Variants in COL4A2 observed in about 807,000 individuals in gnomAD.
COL4A2 encodes the protein collagen alpha-2(IV) chain.
In COL4A2, 99 loss-of-function variants were observed where a neutral mutation model predicts 200.2. That is an observed-to-expected ratio of 0.49 (90% CI 0.42 to 0.58). The LOEUF is 0.58. COL4A2 is among the 20% of genes least tolerant of loss of function. COL4A2 has a pLI of 0.00. For synonymous variants in COL4A2, 897 were observed against 900.6 expected (o/e 1.00, Z 0.07); for missense variants, 1,950 against 2,314.1 (o/e 0.84, Z 3.23).
At chr13:110,472,225 C>G (rs1882500000) in intron 28 of COL4A2, among the ~76,000 whole-genome samples, 1 of 151,530 alleles carries the variant, frequency 6.6e-6, no homozygotes, top group Admixed American at 6.6e-5. Flanking sequence ...ACGCCATTCT[C>G]CCGCCTCAGC....
intron 40 of COL4A2, among the ~76,000 whole-genome samples, chr13:110,500,610 G>A (rs376102175): frequency 6.6e-5 from 10 of 152,140 alleles, no homozygotes; most frequent in African/African-American, 2.2e-4. Flanking sequence ...CTCATTATTC[G>A]CAGTAGTTAT....
rs938714043 is a variant in COL4A2 at position 110,325,559 on chromosome 13, A to G, written c.99+17436A>G. Among the ~76,000 whole-genome samples the G allele has an allele frequency of 2.7e-5, 4 of 150,586 alleles. No homozygotes were observed. In the South Asian group the frequency reaches 8.3e-4, roughly 31 times the overall value. On this transcript the variant is annotated intron_variant, in intron 3 of 47. Transcript: ENST00000360467. ...GTATTGGAAGATCAGTGGCTGAGGT[A>G]AAGGACGCTGGGCTTGAACACTTAA... is the stretch of plus-strand genomic sequence containing the variant.
In COL4A2 at chr13:110,308,064, T is replaced by C. The variant is rs1328819244; in HGVS notation, c.45-5T>C. 1.2e-6 allele frequency: 2 copies of C among 1,613,788 alleles called. No individual in the cohort carries two copies. Among genetic ancestry groups the C allele is most frequent in the Non-Finnish European group, 1.7e-6 (2 of 1,179,944 alleles). ...CACGTCTCTCTTCCTCCCTTTCCCA[T>C]GCAGGTGGCTGCTGCTGGGGACAGT... On this transcript the variant is annotated splice_region_variant and splice_polypyrimidine_tract_variant and intron_variant, in intron 2 of 47. Transcript: ENST00000360467.
At position 110,353,083 on chromosome 13, in the gene COL4A2, T is replaced by G. The variant is rs539980359; in HGVS notation, c.100-4389T>G. Among the ~76,000 whole-genome samples, 3 of 152,262 alleles carry G rather than the reference T, an allele frequency of 2.0e-5. No individual in the cohort carries two copies. The South Asian group carries it at 6.2e-4, about 32-fold the overall frequency. ...GGAAATTCAGACTTGAAATGAGAAA[T>G]TAATGGAGGATTGAATTGATGTTTC... On this transcript the variant is annotated intron_variant, in intron 3 of 47. Transcript: ENST00000360467.
Position 110,485,713 on chromosome 13 carries a change from G to A in COL4A2, c.3084G>A (p.Arg1028=). ...CAGGAATCCCTGGGCTGCCTGGGAGGCCCGGCCACATCAAAGGAGTCAAGG... is the reference window on the plus strand; with the variant it reads ...CAGGAATCCCTGGGCTGCCTGGGAGACCCGGCCACATCAAAGGAGTCAAGG... ...GLSGIPGLPG[R]PGHIKGVKGD... Residue 1028 remains arginine, a synonymous_variant, in exon 34 of 48, where the codon AGG becomes AGA. Transcript: ENST00000360467. The A allele has an allele frequency of 6.2e-7, 1 of 1,613,692 alleles. No individual in the cohort carries two copies. Among genetic ancestry groups the A allele is most frequent in the Non-Finnish European group, 8.5e-7 (1 of 1,179,876 alleles).
At chr13:110,437,807 T>C (rs187459058) in intron 13 of COL4A2, among the ~76,000 whole-genome samples, 195 bp from the exon 14 acceptor site, 2 of 152,282 alleles carry the variant, frequency 1.3e-5, no homozygotes, top group African/African-American at 4.8e-5. Context: ...CTTGTGAAAA[T>C]CTAGAAGAAA....
intron 3 of COL4A2, among the ~76,000 whole-genome samples, chr13:110,351,109 C>T (rs780570910): frequency 2.6e-5 from 4 of 152,104 alleles, no homozygotes; most frequent in Admixed American, 6.6e-5. Flanking sequence ...AGTACAGTGG[C>T]GTAATCTCGG....
At chr13:110,471,285 G>A (rs1449339109) in intron 28 of COL4A2, among the ~76,000 whole-genome samples, 2 of 152,216 alleles carry the variant, frequency 1.3e-5, no homozygotes, top group Non-Finnish European at 2.9e-5. Flanking sequence ...AGGTGATTTG[G>A]ACAGTTGCCC....
intron 3 of COL4A2, among the ~76,000 whole-genome samples, chr13:110,343,760 T>C (rs1451729640): frequency 2.0e-5 from 3 of 152,240 alleles, no homozygotes; most frequent in Admixed American, 1.3e-4. Flanking sequence ...AATCTTATTG[T>C]ATTCTGAAAA....
intron 4 of COL4A2, among the ~76,000 whole-genome samples, chr13:110,387,569 G>T (rs1008488330): frequency 6.6e-6 from 1 of 152,264 alleles, no homozygotes; most frequent in Non-Finnish European, 1.5e-5. Context: ...CAGCCCAGCA[G>T]TCGGGGGCCC....
chr13:110,433,167 C>T lies in COL4A2; in HGVS notation c.684+807C>T, dbSNP rs1313503334. Reference sequence around the variant, plus strand: ...GTGACTACAGCTGCCACCGCCCATGCCCCCAGGCTCCTGTCCCCTCTGACA... The same window carrying T: ...GTGACTACAGCTGCCACCGCCCATGTCCCCAGGCTCCTGTCCCCTCTGACA... On this transcript the variant is annotated intron_variant, in intron 11 of 47. Coordinates refer to ENST00000360467, the MANE Select transcript of COL4A2 (RefSeq NM_001846.4). Among the ~76,000 whole-genome samples, 5 of 152,354 alleles carry T rather than the reference C, an allele frequency of 3.3e-5. No individual in the cohort carries two copies. In the South Asian group the frequency reaches 8.3e-4, roughly 25 times the overall value.
At chr13:110,457,556 T>C (rs1881816799) in intron 21 of COL4A2, 121 bp downstream of exon 21, 3 of 718,552 alleles carry the variant, frequency 4.2e-6, no homozygotes, top group Non-Finnish European at 7.7e-6. Flanking sequence ...CCTGCATGTC[T>C]CTCCCAGCCT....
At chr13:110,479,722 T>C (rs888035804) in intron 30 of COL4A2, among the ~76,000 whole-genome samples, 2 of 152,074 alleles carry the variant, frequency 1.3e-5, no homozygotes, top group African/African-American at 2.4e-5. Flanking sequence ...GGAGGACAGC[T>C]GTGGGCGGGA....
chr13:110,322,144 A>G (rs1200557341), intron 3 of COL4A2, among the ~76,000 whole-genome samples: 1 of 152,236 alleles, frequency 6.6e-6, no homozygotes, highest in African/African-American at 2.4e-5. Flanking sequence ...ATTGCAAATC[A>G]GAGAGGTTTA....
At position 110,449,836 on chromosome 13, in the gene COL4A2, A is replaced by G. The variant is rs34734302; in HGVS notation, c.1189+47A>G. 741,683 of 1,522,806 alleles carry G rather than the reference A, an allele frequency of 0.49. 182,792 individuals are homozygous for G. Among genetic ancestry groups the G allele is most frequent in the Non-Finnish European group, 0.5 (570,300 of 1,132,756 alleles). The allele number at this position is 1,522,806 out of a possible 1,614,324, so 94.3% of individuals were successfully genotyped here. A position where few individuals can be genotyped will look rare whatever the true frequency, so the allele number is the denominator to read the frequency against. On this transcript the variant is annotated intron_variant, in intron 19 of 47. Coordinates refer to ENST00000360467, the MANE Select transcript of COL4A2 (RefSeq NM_001846.4). The stretch of plus-strand genomic sequence containing the variant: ...AACACCGGAGACCCAAAGCACCTGC[A>G]CTCAGGTCCTAGCACACACAAGGGA...
intron 40 of COL4A2, among the ~76,000 whole-genome samples, chr13:110,500,253 T>C (rs7987671): frequency 0.018 from 2,667 of 152,348 alleles, 73 homozygotes; most frequent in African/African-American, 0.062. Flanking sequence ...AGATTTGCAC[T>C]GTTTCGCCCA....
intron 4 of COL4A2, among the ~76,000 whole-genome samples, chr13:110,385,985 G>A (rs555264396): frequency 1.4e-5 from 2 of 145,138 alleles, no homozygotes; most frequent in African/African-American, 2.6e-5. Flanking sequence ...TGGTCACAGC[G>A]TGTGGATGGG....
chr13:110,379,685 G>A (rs934494049), intron 4 of COL4A2, among the ~76,000 whole-genome samples: 2 of 152,146 alleles, frequency 1.3e-5, no homozygotes, highest in African/African-American at 2.4e-5. Context: ...TCGGAAGTGC[G>A]GGCTGCTGGG....
At chr13:110,457,475 C>A in intron 21 of COL4A2, 40 bp downstream of exon 21, 4 of 1,180,552 alleles carry the variant, frequency 3.4e-6, no homozygotes, top group Non-Finnish European at 5.1e-6. Context: ...GACAGCCTGG[C>A]CTTTCCAAGT....
Sources: gnomAD v4.1 joint callset for allele counts (sites outside exome capture counted in the v4.1 genomes callset) on GRCh38, gnomAD v4.1.1 for gene constraint, MANE v1.5 for transcripts, NCBI Gene and HGNC (gene_info 2026-07-23, HGNC 2026-07-21) for gene names.